PIEZO2: variants seen among roughly 807,000 people sequenced by gnomAD.
PIEZO2 encodes the protein piezo-type mechanosensitive ion channel component 2.
PIEZO2 carries 172 observed loss-of-function variants against 337.3 expected under a neutral mutation model. That is an observed-to-expected ratio of 0.51 (90% CI 0.45 to 0.58). PIEZO2 has a LOEUF of 0.58. Among genes scored for constraint, PIEZO2 ranks in the 20% least tolerant of loss-of-function variants. The pLI, the probability that PIEZO2 is intolerant of heterozygous loss-of-function variation, is 0.00. For missense variants in PIEZO2, 3,028 were observed against 3,391.3 expected, an observed-to-expected ratio of 0.89 and a Z score of 2.66; for synonymous variants, 1,251 against 1,228.5, an observed-to-expected ratio of 1.02 and a Z score of -0.38.
In PIEZO2 at chr18:10,854,772, G is replaced by A. The variant is rs989008472; in HGVS notation, c.917+581C>T. On this transcript the variant is annotated intron_variant, in intron 7 of 55. Coordinates refer to ENST00000674853, the MANE Select transcript of PIEZO2 (RefSeq NM_001378183.1). The surrounding 1 kb of genome is among the most constrained non-coding windows in gnomAD (Gnocchi z 4.6). ...TCTGTCACCCAGGTGGGAGTGCAGC[G>A]GTGTGATCATGGCTCACCGCAGTCT... 2.6e-5 allele frequency among the ~76,000 whole-genome samples: 4 copies of A among 152,072 alleles called. No homozygotes were observed. The highest frequency in any genetic ancestry group is 2.1e-4 in the South Asian group (1 of 4,826).
At chr18:10,770,619 C>G (rs1046010972) in intron 20 of PIEZO2, among the ~76,000 whole-genome samples, 1 of 152,182 alleles carries the variant, frequency 6.6e-6, no homozygotes, top group African/African-American at 2.4e-5. Context: ...TGCTTTCTCT[C>G]TCTCTCTTTC....
intron 3 of PIEZO2, among the ~76,000 whole-genome samples, chr18:10,958,135 A>G (rs765387581): frequency 2.0e-4 from 30 of 152,240 alleles, no homozygotes; most frequent in Non-Finnish European, 3.4e-4. Flanking sequence ...GTGTTCATCA[A>G]CAGATGAATA....
intron 2 of PIEZO2, among the ~76,000 whole-genome samples, chr18:10,986,223 A>C (rs566194057): frequency 6.6e-6 from 1 of 152,162 alleles, no homozygotes; most frequent in Non-Finnish European, 1.5e-5. Context: ...AAACACTTCC[A>C]AACTCATTCT....
intron 4 of PIEZO2, among the ~76,000 whole-genome samples, chr18:10,907,399 C>T (rs1217744880): frequency 2.6e-5 from 4 of 151,178 alleles, no homozygotes; most frequent in Non-Finnish European, 5.9e-5. Flanking sequence ...GCTGAGATCA[C>T]GCCGCTGCAT....
Position 10,741,070 on chromosome 18 carries a change from T to G in PIEZO2, c.4669A>C (p.Lys1557Gln). The change falls in exon 33 of 56, where the codon AAA becomes CAA. Residue 1557 changes from lysine (K) to glutamine (Q), a missense_variant. By Grantham distance (53) the Lys-to-Gln change is moderately conservative. Transcript: ENST00000674853. ...ACCCAAGGCCGCCACCACTGCTTTT[T>G]TTTGCCCTTGGCTTTCTGTTTGTCT... ...EADKQKAKGK[K>Q]KQWWRPWVDH... is the part of the protein sequence containing the mutation. The G allele has an allele frequency of 1.3e-6, 2 of 1,537,176 alleles. No homozygotes were observed. Among genetic ancestry groups the G allele is most frequent in the Non-Finnish European group, 1.7e-6 (2 of 1,146,888 alleles).
intron 7 of PIEZO2, among the ~76,000 whole-genome samples, chr18:10,852,464 C>CCT (rs145747347): frequency 2.0e-5 from 3 of 151,196 alleles, no homozygotes; most frequent in Non-Finnish European, 4.4e-5. Flanking sequence ...TAGCATGTGC[C>CCT]CTCTCTCTCT....
At chr18:10,844,091 AGAGAATT>A (rs767398115) in intron 7 of PIEZO2, among the ~76,000 whole-genome samples, 1 of 152,222 alleles carries the variant, frequency 6.6e-6, no homozygotes, top group Non-Finnish European at 1.5e-5. Context: ...TAGAAGTCAG[AGAGAATT>A]GGGCTCAAAC....
chr18:10,778,649 T>A (rs536906001), intron 18 of PIEZO2, among the ~76,000 whole-genome samples: 53 of 152,306 alleles, frequency 3.5e-4, no homozygotes, highest in Non-Finnish European at 6.5e-4. Context: ...GCTCTTAACA[T>A]GTTTATATTC....
intron 3 of PIEZO2, among the ~76,000 whole-genome samples, chr18:10,911,848 C>T (rs1451417594): frequency 6.6e-6 from 1 of 152,020 alleles, no homozygotes; most frequent in Non-Finnish European, 1.5e-5. Flanking sequence ...AGCATTAGGC[C>T]ACGCCAATAA....
At chr18:10,805,073 C>T (rs9952644) in intron 8 of PIEZO2, among the ~76,000 whole-genome samples, 25,171 of 152,184 alleles carry the variant, frequency 0.17, 2,377 homozygotes, top group East Asian at 0.39. Context: ...AGCAGAATAT[C>T]GCATGGACCC....
At chr18:11,065,116 A>T (rs986760285) in intron 2 of PIEZO2, among the ~76,000 whole-genome samples, 7 of 152,252 alleles carry the variant, frequency 4.6e-5, no homozygotes, top group African/African-American at 1.7e-4. Context: ...CATAACTACT[A>T]TGATGAATGA....
intron 2 of PIEZO2, among the ~76,000 whole-genome samples, chr18:11,023,461 G>A (rs547085043): frequency 1.8e-4 from 28 of 152,336 alleles, no homozygotes; most frequent in South Asian, 1.0e-3. Context: ...TAGACACAGC[G>A]TGCTGATTGG....
chr18:10,845,937 A>G (rs1477481743), intron 7 of PIEZO2, among the ~76,000 whole-genome samples: 1 of 152,234 alleles, frequency 6.6e-6, no homozygotes, highest in Non-Finnish European at 1.5e-5. Flanking sequence ...TATACCATTA[A>G]GCCTCACTTA....
intron 4 of PIEZO2, among the ~76,000 whole-genome samples, chr18:10,910,062 T>C (rs578190178): frequency 6.6e-6 from 1 of 152,350 alleles, no homozygotes; most frequent in East Asian, 1.9e-4. Context: ...TTATTTCCTT[T>C]GTATACTTTA....
chr18:10,804,665 TG>T (rs146974432), intron 8 of PIEZO2, among the ~76,000 whole-genome samples: 42,482 of 151,936 alleles, frequency 0.28, 6,900 homozygotes, highest in Middle Eastern at 0.41. Context: ...CCTAACTCCC[TG>T]GGAGGGGCGT....
At chr18:10,827,247 G>C (rs2040701827) in intron 7 of PIEZO2, among the ~76,000 whole-genome samples, 1 of 151,954 alleles carries the variant, frequency 6.6e-6, no homozygotes, top group South Asian at 2.1e-4. Flanking sequence ...TTTCCAATGA[G>C]TGTGCATCGC....
At chr18:10,907,010 T>TA (rs1398481549) in intron 4 of PIEZO2, among the ~76,000 whole-genome samples, 1 of 152,224 alleles carries the variant, frequency 6.6e-6, no homozygotes, top group Non-Finnish European at 1.5e-5. Context: ...TTTCAATGCC[T>TA]AAGTGAACTT....
In PIEZO2 at chr18:10,794,669, G is replaced by T; in HGVS notation, c.1758+103C>A. The T allele has an allele frequency of 1.1e-6, 1 of 934,738 alleles. No homozygotes were observed. Among genetic ancestry groups the T allele is most frequent in the Non-Finnish European group, 1.6e-6 (1 of 643,110 alleles). The allele number at this position is 934,738 out of a possible 1,614,324, so 57.9% of individuals were successfully genotyped here. On this transcript the variant is annotated intron_variant, in intron 13 of 55. Transcript: ENST00000674853. The surrounding 1 kb of genome is among the most constrained non-coding windows in gnomAD (Gnocchi z 6.6). ...TGTTTGTTCATTTTTACAAAGCAGT[G>T]AATATTTGGAACCTGTTTTTATAAG...
intron 33 of PIEZO2, chr18:10,738,019 T>A (rs931969259): frequency 6.6e-6 from 1 of 152,198 alleles, no homozygotes; most frequent in African/African-American, 2.4e-5. Context: ...AGTGGGTGAA[T>A]TGGGCCTTAT....
Sources: gnomAD v4.1 joint callset for allele counts (sites outside exome capture counted in the v4.1 genomes callset) on GRCh38, gnomAD v4.1.1 for gene constraint, Gnocchi (gnomAD v3.1) non-coding constraint, MANE v1.5 for transcripts, NCBI Gene and HGNC (gene_info 2026-07-23, HGNC 2026-07-21) for gene names.